The following SYT14 variants were observed in gnomAD, a reference collection of about 807,000 sequenced individuals.
The protein encoded by SYT14 is synaptotagmin 14, also known as synaptotagmin-14.
A neutral mutation model predicts 74.2 loss-of-function variants in SYT14; 32 were observed. That is an observed-to-expected ratio of 0.43 (90% CI 0.33 to 0.58). The LOEUF (loss-of-function observed/expected upper bound fraction) is 0.58. SYT14 is among the 20% of genes least tolerant of loss of function. The probability of loss-of-function intolerance (pLI) is 0.05; values close to 1 mark genes in which losing one functional copy is unlikely to be tolerated. For synonymous variants in SYT14, 298 were observed against 337.7 expected (o/e 0.88, Z 1.29); for missense variants, 791 against 981.8 (o/e 0.81, Z 2.60).
At chr1:210,169,009 T>G (rs1462101758) in exon 10 of SYT14, 1 of 152,158 alleles carries the variant, frequency 6.6e-6, no homozygotes, top group Non-Finnish European at 1.5e-5. Context: ...GAGATCATTA[T>G]GTCATATTCT....
chr1:210,056,133 T>A (rs1423545769), intron 5 of SYT14, among the ~76,000 whole-genome samples: 2 of 152,328 alleles, frequency 1.3e-5, no homozygotes, highest in East Asian at 3.9e-4. Flanking sequence ...TATAAGTTTA[T>A]GTTCTTTAAA....
rs1322430014 is a variant in SYT14 at position 210,109,589 on chromosome 1, AAG to A, written c.2034+9134_2034+9135del. ...AAGACTCTGTCTCAAAAAAAAAAAA[AAG>A]AGAGAAAAAACAAAACAACAACAAC... On this transcript the variant is annotated intron_variant, in intron 7 of 9. Transcript: ENST00000637265. Among the ~76,000 whole-genome samples the A allele has an allele frequency of 1.8e-3, 278 of 151,178 alleles. 1 individual carries two copies. The highest frequency in any genetic ancestry group is 5.7e-3 in the African/African-American group (234 of 41,370).
At chr1:210,086,288 A>G (rs1010041191) in intron 5 of SYT14, among the ~76,000 whole-genome samples, 1 of 152,234 alleles carries the variant, frequency 6.6e-6, no homozygotes, top group Non-Finnish European at 1.5e-5. Context: ...CGTAATTAAA[A>G]AAGTATTTTG....
At chr1:210,004,515 A>G (rs1384390879) in intron 2 of SYT14, among the ~76,000 whole-genome samples, 3 of 151,956 alleles carry the variant, frequency 2.0e-5, no homozygotes, top group Non-Finnish European at 4.4e-5. Context: ...TCATCATTTC[A>G]TTGCTTATCT....
chr1:210,055,888 G>T (rs548627962), intron 5 of SYT14, among the ~76,000 whole-genome samples: 1 of 152,092 alleles, frequency 6.6e-6, no homozygotes, highest in South Asian at 2.1e-4. Flanking sequence ...ACCATCTCCA[G>T]TTCACCTTTA....
intron 5 of SYT14, among the ~76,000 whole-genome samples, chr1:210,043,657 T>C (rs771557266): frequency 3.3e-5 from 5 of 152,124 alleles, no homozygotes; most frequent in Non-Finnish European, 7.4e-5. Context: ...GATTTCTGGG[T>C]TTTTGTTTGA....
chr1:209,944,868 A>G (rs1447744831), intron 1 of SYT14, among the ~76,000 whole-genome samples: 1 of 152,180 alleles, frequency 6.6e-6, no homozygotes, highest in Non-Finnish European at 1.5e-5. Flanking sequence ...AAATTCAATG[A>G]TAACTGTAGA....
chr1:210,018,549 ATTATT>A (rs1384110484), intron 4 of SYT14, among the ~76,000 whole-genome samples: 2 of 152,332 alleles, frequency 1.3e-5, no homozygotes, highest in East Asian at 1.9e-4. Context: ...TAGTTTACAT[ATTATT>A]TTATTCAGAA....
intron 7 of SYT14, among the ~76,000 whole-genome samples, chr1:210,139,532 A>G (rs2082872539): frequency 6.6e-6 from 1 of 152,170 alleles, no homozygotes; most frequent in Non-Finnish European, 1.5e-5. Flanking sequence ...TCACCCTTTT[A>G]TAGTGTAAAA....
chr1:209,993,151 C>A (rs1008831358), intron 2 of SYT14, among the ~76,000 whole-genome samples: 1 of 152,158 alleles, frequency 6.6e-6, no homozygotes, highest in Non-Finnish European at 1.5e-5. Context: ...CCATAGATGT[C>A]TTTTCCCTAG....
At chr1:210,024,299 TG>T (rs1201154760) in intron 5 of SYT14, among the ~76,000 whole-genome samples, 2 of 152,182 alleles carry the variant, frequency 1.3e-5, no homozygotes, top group Non-Finnish European at 2.9e-5. Flanking sequence ...AGGAGATCTT[TG>T]GGGTAGTATA....
At chr1:210,075,594 A>G (rs1452869514) in intron 5 of SYT14, among the ~76,000 whole-genome samples, 2 of 151,980 alleles carry the variant, frequency 1.3e-5, no homozygotes, top group African/African-American at 2.4e-5. Flanking sequence ...CGGCCTCCCA[A>G]AGTGCTGGAA....
At chr1:209,958,792 C>G (rs1472160272) in intron 2 of SYT14, among the ~76,000 whole-genome samples, 1 of 152,096 alleles carries the variant, frequency 6.6e-6, no homozygotes, top group African/African-American at 2.4e-5. Flanking sequence ...TTAATCTTTT[C>G]TAGTTATACT....
chr1:210,054,504 C>CT (rs755658381), intron 5 of SYT14, among the ~76,000 whole-genome samples: 6 of 151,728 alleles, frequency 4.0e-5, no homozygotes, highest in South Asian at 2.1e-4. Context: ...ATTACATTTT[C>CT]TTTTTTTTAA....
intron 7 of SYT14, among the ~76,000 whole-genome samples, chr1:210,112,432 T>C (rs1046931778): frequency 2.0e-5 from 3 of 151,280 alleles, no homozygotes; most frequent in African/African-American, 7.4e-5. Context: ...GGTTATGAAA[T>C]AATGACAGAA....
At chr1:210,116,944 A>G (rs1221246279) in intron 7 of SYT14, among the ~76,000 whole-genome samples, 1 of 152,154 alleles carries the variant, frequency 6.6e-6, no homozygotes, top group African/African-American at 2.4e-5. Flanking sequence ...CCCTACTAAG[A>G]ATCTTTTATA....
In SYT14 at chr1:210,060,632, A is replaced by C. The variant is rs546014334; in HGVS notation, c.1313-33690A>C. Among the ~76,000 whole-genome samples, 9 of 152,172 alleles carry C rather than the reference A, an allele frequency of 5.9e-5. No individual in the cohort carries two copies. The South Asian group carries it at 1.9e-3, about 32-fold the overall frequency. On this transcript the variant is annotated intron_variant, in intron 5 of 9. Transcript: ENST00000637265. ...TTCATTGGTTGTACTTGTGGGCAAAAAATATGGAAATTTAAAGGGAAACAG... is the reference window on the plus strand; with the variant it reads ...TTCATTGGTTGTACTTGTGGGCAAACAATATGGAAATTTAAAGGGAAACAG...
chr1:210,045,354 A>T (rs1345968485), intron 5 of SYT14, among the ~76,000 whole-genome samples: 1 of 152,234 alleles, frequency 6.6e-6, no homozygotes, highest in Non-Finnish European at 1.5e-5. Flanking sequence ...CTTTGAATGT[A>T]GTTAATTTGT....
intron 7 of SYT14, among the ~76,000 whole-genome samples, chr1:210,101,683 A>G (rs543442340): frequency 8.0e-5 from 12 of 150,586 alleles, no homozygotes; most frequent in Non-Finnish European, 1.6e-4. Context: ...AGTTCAGGCA[A>G]TATTTCGGAG....
Sources: allele counts gnomAD v4.1 joint callset (sites outside exome capture counted in the v4.1 genomes callset), GRCh38; gene constraint gnomAD v4.1.1; transcripts MANE v1.5; gene names NCBI Gene and HGNC (gene_info 2026-07-23, HGNC 2026-07-21).